ZFHX3: variants seen among roughly 807,000 people sequenced by gnomAD.
The protein encoded by ZFHX3 is zinc finger homeobox protein 3.
In ZFHX3, 42 loss-of-function variants were observed where a neutral mutation model predicts 279.1. That is an observed-to-expected ratio of 0.15 (90% confidence interval 0.12 to 0.19). ZFHX3 has a LOEUF of 0.19. ZFHX3 is among the 10% of genes least tolerant of loss of function. ZFHX3 has a pLI of 1.00. For missense variants in ZFHX3, 4,981 were observed against 4,754.0 expected, an observed-to-expected ratio of 1.05 and a Z score of -1.40; for synonymous variants, 2,293 against 1,957.8, an observed-to-expected ratio of 1.17 and a Z score of -4.52.
At chr16:73,019,910 C>T (rs1395130626) in intron 1 of ZFHX3, among the ~76,000 whole-genome samples, 2 of 152,176 alleles carry the variant, frequency 1.3e-5, no homozygotes, top group African/African-American at 2.4e-5. Flanking sequence ...GGCATAAACA[C>T]GTTTTTAAAA....
At chr16:72,987,229 G>A (rs1325875229) in intron 1 of ZFHX3, among the ~76,000 whole-genome samples, 4 of 152,186 alleles carry the variant, frequency 2.6e-5, no homozygotes, top group Admixed American at 6.5e-5. Context: ...TAGAAGGCAA[G>A]CACCCATCCC....
At chr16:73,578,932 T>G (rs1274005364) in intron 2 of ZFHX3, among the ~76,000 whole-genome samples, 2 of 152,160 alleles carry the variant, frequency 1.3e-5, no homozygotes, top group Non-Finnish European at 2.9e-5. Context: ...GCATTCCAAA[T>G]TTAAGCTGGA....
rs367647099 is a variant in ZFHX3 at position 73,779,367 on chromosome 16, GAAAA to G, written c.-1607-99131_-1607-99128del. 2.8e-3 allele frequency among the ~76,000 whole-genome samples: 430 copies of G among 152,198 alleles called. 4 individuals carry two copies. The highest frequency in any genetic ancestry group is 9.7e-3 in the African/African-American group (403 of 41,518). Reference sequence around the variant, plus strand: ...TTAGTGATGAAAAGAATTCATCTGAGAAAAAGACAACAATGACAATGATGAAGAA... The same window carrying G: ...TTAGTGATGAAAAGAATTCATCTGAGAGACAACAATGACAATGATGAAGAA... On this transcript the variant is annotated intron_variant, in intron 1 of 17. Coordinates refer to the ZFHX3 transcript ENST00000641206.
intron 4 of ZFHX3, among the ~76,000 whole-genome samples, chr16:73,293,674 C>T (rs185847199): frequency 2.0e-5 from 3 of 152,268 alleles, no homozygotes; most frequent in Admixed American, 6.5e-5. Flanking sequence ...GCCAGCATGG[C>T]CATGCCTGTT....
intron 1 of ZFHX3, among the ~76,000 whole-genome samples, chr16:72,985,529 G>C (rs1272689466): frequency 6.6e-6 from 1 of 152,230 alleles, no homozygotes; most frequent in Non-Finnish European, 1.5e-5. Context: ...GGACTGGACA[G>C]ACTCAAGGCA....
Position 73,630,771 on chromosome 16 carries a change from G to A in ZFHX3, c.-1547+49409C>T, listed in dbSNP as rs533727192. On this transcript the variant is annotated intron_variant, in intron 2 of 17. Coordinates refer to the ZFHX3 transcript ENST00000641206. ...TCCAGGTTAAGGGCAAAGCATGGTG[G>A]TGCTCAACTTGTAATTTCCTGGTTG... Among the ~76,000 whole-genome samples the A allele has an allele frequency of 2.0e-5, 3 of 152,336 alleles. No homozygotes were observed. In the South Asian group the frequency reaches 6.2e-4, roughly 32 times the overall value.
In ZFHX3 at chr16:73,324,383, C is replaced by T. The variant is rs1396590915; in HGVS notation, c.-1290-6047G>A. ...TGTGGTAGACTTGACTACAGTTAAC[C>T]AATACCCATTCTCCTCTACTTCTAG... On this transcript the variant is annotated intron_variant, in intron 3 of 17. Transcript: ENST00000641206. Among the ~76,000 whole-genome samples, 4 of 152,172 alleles carry T rather than the reference C, an allele frequency of 2.6e-5. No individual in the cohort carries two copies. The South Asian group carries it at 6.2e-4, about 24-fold the overall frequency.
chr16:72,872,826 G>GTGGGGGA (rs1287631106), intron 4 of ZFHX3, among the ~76,000 whole-genome samples: 11 of 152,166 alleles, frequency 7.2e-5, no homozygotes, highest in African/African-American at 1.7e-4. Flanking sequence ...ATGGTGGGGG[G>GTGGGGGA]TGGGGGATGG....
intron 1 of ZFHX3, among the ~76,000 whole-genome samples, chr16:73,019,127 G>A (rs1964204716): frequency 6.6e-6 from 1 of 152,218 alleles, no homozygotes; most frequent in Non-Finnish European, 1.5e-5. Context: ...TGGGATTAAA[G>A]CCACTTGTGA....
chr16:73,604,837 C>A (rs1183629035), intron 2 of ZFHX3, among the ~76,000 whole-genome samples: 1 of 151,988 alleles, frequency 6.6e-6, no homozygotes, highest in Non-Finnish European at 1.5e-5. Flanking sequence ...CTCCAGGCTT[C>A]CTATAAGATA....
At chr16:73,647,012 C>T (rs2078583) in intron 2 of ZFHX3, among the ~76,000 whole-genome samples, 2 of 136,590 alleles carry the variant, frequency 1.5e-5, no homozygotes, top group Non-Finnish European at 3.0e-5. Flanking sequence ...GTTGTGCCAA[C>T]CTTTTTTTTT....
chr16:73,760,107 G>C (rs921627613), intron 1 of ZFHX3, among the ~76,000 whole-genome samples: 5 of 151,902 alleles, frequency 3.3e-5, no homozygotes, highest in African/African-American at 1.2e-4. Context: ...AAATGATAAA[G>C]AGGATGTCAC....
At chr16:73,760,776 C>G (rs2053855866) in intron 1 of ZFHX3, among the ~76,000 whole-genome samples, 1 of 152,052 alleles carries the variant, frequency 6.6e-6, no homozygotes. Context: ...TTCAACATCC[C>G]TTCATGTTAA....
chr16:73,228,765 G>A (rs2012681244), intron 5 of ZFHX3, among the ~76,000 whole-genome samples: 1 of 152,184 alleles, frequency 6.6e-6, no homozygotes, highest in African/African-American at 2.4e-5. Context: ...GCCTTGGTTA[G>A]CATCACAGAT....
Position 72,811,588 on chromosome 16 carries a change from GCTT to G in ZFHX3, c.3850_3852del (p.Lys1284del). On this transcript the variant is annotated inframe_deletion, in exon 7 of 10. Coordinates refer to ENST00000268489, the MANE Select transcript of ZFHX3 (RefSeq NM_006885.4). ...CCTGGCTGCCTTACCGTCATAATGA[GCTT>G]CTCCACGCAGTCAGGTGCCACGCTG... 6.3e-7 allele frequency: 1 copy of G among 1,594,762 alleles called. No homozygotes were observed. Among genetic ancestry groups the G allele is most frequent in the Non-Finnish European group, 8.6e-7 (1 of 1,168,128 alleles).
At chr16:72,929,853 C>CA (rs1959691123) in intron 3 of ZFHX3, among the ~76,000 whole-genome samples, 1 of 152,220 alleles carries the variant, frequency 6.6e-6, no homozygotes, top group Admixed American at 6.5e-5. Flanking sequence ...CGAATGCAGT[C>CA]ACATGGATGT....
intron 1 of ZFHX3, among the ~76,000 whole-genome samples, chr16:73,789,473 C>A (rs998339052): frequency 1.3e-5 from 2 of 152,144 alleles, no homozygotes; most frequent in African/African-American, 2.4e-5. Context: ...AGCCACCGTG[C>A]CCGGCTGGGA....
chr16:73,592,454 A>G (rs2052009335), intron 2 of ZFHX3, among the ~76,000 whole-genome samples: 2 of 152,170 alleles, frequency 1.3e-5, no homozygotes, highest in Admixed American at 1.3e-4. Flanking sequence ...TATTTCTTTT[A>G]CTTTTATATA....
At chr16:73,501,796 G>C (rs953047576) in intron 2 of ZFHX3, among the ~76,000 whole-genome samples, 1 of 152,158 alleles carries the variant, frequency 6.6e-6, no homozygotes, top group Admixed American at 6.5e-5. Flanking sequence ...TGGAAGCTCA[G>C]TGAGGCAGCT....
Sources: allele counts gnomAD v4.1 joint callset (sites outside exome capture counted in the v4.1 genomes callset), GRCh38; gene constraint gnomAD v4.1.1; transcripts MANE v1.5; gene names NCBI Gene and HGNC (gene_info 2026-07-23, HGNC 2026-07-21).